Variants in COL4A5 observed in about 807,000 individuals in gnomAD.
The protein encoded by COL4A5 is collagen type IV alpha 5 chain, also known as collagen alpha-5(IV) chain.
A neutral mutation model predicts 130.2 loss-of-function variants in COL4A5; 26 were observed. That is an observed-to-expected ratio of 0.20 (90% CI 0.15 to 0.28). The LOEUF (loss-of-function observed/expected upper bound fraction) is 0.28, where lower values mean the gene tolerates loss of function less well. Ranked by LOEUF, COL4A5 falls within the 10% of genes least tolerant of loss-of-function variation. The pLI, the probability that COL4A5 is intolerant of heterozygous loss-of-function variation, is 1.00. For synonymous variants in COL4A5, 496 were observed against 439.6 expected (o/e 1.13, Z -1.60); for missense variants, 1,131 against 1,344.3 (o/e 0.84, Z 2.48).
At chrX:108,687,749 T>C in intron 49 of COL4A5, 55 bp downstream of exon 49, 1 of 1,109,003 alleles carries the variant, frequency 9.0e-7, no homozygotes, top group Non-Finnish European at 1.2e-6. Flanking sequence ...GTTTCAGAAA[T>C]CCTGTTGGGT....
At chrX:108,507,250 A>C (rs541495984) in intron 1 of COL4A5, among the ~76,000 whole-genome samples, 506 of 105,653 alleles carry the variant, frequency 4.8e-3, no homozygotes, top group Middle Eastern at 0.019. Context: ...ACAACAACAA[A>C]AAAAAAAAAA....
intron 6 of COL4A5, among the ~76,000 whole-genome samples, chrX:108,570,778 G>A (rs187487000): frequency 2.4e-4 from 27 of 111,369 alleles, no homozygotes; most frequent in Non-Finnish European, 3.8e-5. Context: ...TTGTTTCTAG[G>A]ATTACCGTGG....
intron 1 of COL4A5, among the ~76,000 whole-genome samples, chrX:108,448,902 A>G (rs1393490233): frequency 9.0e-6 from 1 of 111,411 alleles, no homozygotes; most frequent in Non-Finnish European, 1.9e-5. Flanking sequence ...AGTGCCCCTC[A>G]TACTCTCAAG....
At chrX:108,534,218 A>G (rs966363058) in intron 1 of COL4A5, among the ~76,000 whole-genome samples, 1 of 111,412 alleles carries the variant, frequency 9.0e-6, no homozygotes, top group African/African-American at 3.3e-5. Context: ...CATACAACCC[A>G]GCAATTCCAC....
chrX:108,667,067 T>C (rs781533373), intron 39 of COL4A5, 66 bp from the exon 40 acceptor site: 1 of 1,003,324 alleles, frequency 1.0e-6, no homozygotes, highest in Non-Finnish European at 1.4e-6. Flanking sequence ...TAAAAATAAT[T>C]TGGCCTTGTT....
intron 1 of COL4A5, among the ~76,000 whole-genome samples, chrX:108,493,573 A>G (rs2065009995): frequency 9.0e-6 from 1 of 111,243 alleles, no homozygotes. Context: ...ATGTGTTAGT[A>G]GAAATCATAA....
intron 1 of COL4A5, among the ~76,000 whole-genome samples, chrX:108,466,486 T>C (rs1461323727): frequency 8.9e-6 from 1 of 112,269 alleles, no homozygotes; most frequent in Non-Finnish European, 1.9e-5. Context: ...TGGTTCTTCA[T>C]TGTGGTTTTG....
Position 108,626,301 on chromosome X carries a change from T to G in COL4A5, c.3198T>G (p.Gly1066=), listed in dbSNP as rs1441373124. 1 of 1,210,675 alleles carries G rather than the reference T, an allele frequency of 8.3e-7. No individual in the cohort carries two copies. ...PGLPGQKGDK[G]DPGISSIGLP... is the part of the protein sequence containing the mutation. ...TACCTGGACAGAAAGGCGACAAAGG[T>G]GATCCTGGTATTTCAAGCATTGGTC... The change falls in exon 36 of 53, where the codon GGT becomes GGG. Residue 1066 remains glycine, a synonymous_variant. Transcript: ENST00000328300.
chrX:108,545,688 G>C (rs1329802839), intron 2 of COL4A5, among the ~76,000 whole-genome samples: 1 of 111,176 alleles, frequency 9.0e-6, no homozygotes, highest in Non-Finnish European at 1.9e-5. Context: ...TTGTTGATTT[G>C]TTTAATGTTG....
At chrX:108,464,260 A>AT (rs768364421) in intron 1 of COL4A5, among the ~76,000 whole-genome samples, 10 of 111,938 alleles carry the variant, frequency 8.9e-5, no homozygotes, top group Non-Finnish European at 1.9e-4. Flanking sequence ...TTTTTAGTTT[A>AT]TTTCTAGAGG....
chrX:108,567,789 T>TC (rs1491165208), intron 4 of COL4A5, among the ~76,000 whole-genome samples: 33 of 111,268 alleles, frequency 3.0e-4, no homozygotes, highest in African/African-American at 9.2e-4. Context: ...AGACTTACTA[T>TC]CACAAGAACA....
At chrX:108,513,717 A>T (rs1415510383) in intron 1 of COL4A5, among the ~76,000 whole-genome samples, 1 of 111,342 alleles carries the variant, frequency 9.0e-6, no homozygotes, top group Non-Finnish European at 1.9e-5. Context: ...GTATATTTTG[A>T]TGAGTTATTT....
At chrX:108,544,356 A>G (rs1208375858) in intron 2 of COL4A5, among the ~76,000 whole-genome samples, 2 of 112,276 alleles carry the variant, frequency 1.8e-5, no homozygotes, top group African/African-American at 3.2e-5. Flanking sequence ...TTCTGCATCT[A>G]TTGAGATAAT....
intron 1 of COL4A5, among the ~76,000 whole-genome samples, chrX:108,531,517 T>G (rs1374121932): frequency 2.8e-5 from 3 of 108,707 alleles, no homozygotes; most frequent in African/African-American, 6.7e-5. Context: ...AAATAAAAAT[T>G]TAACAATCTA....
intron 2 of COL4A5, among the ~76,000 whole-genome samples, 181 bp from the exon 3 acceptor site, chrX:108,558,883 C>T (rs1021106849): frequency 7.1e-5 from 8 of 112,070 alleles, no homozygotes; most frequent in South Asian, 3.7e-4. Context: ...AACTTCCAGA[C>T]GGTTTGTGTT....
Position 108,606,950 on chromosome X carries a change from T to C in COL4A5, c.2395+58T>C, listed in dbSNP as rs1004670983. 5.3e-6 allele frequency: 6 copies of C among 1,140,956 alleles called. No homozygotes were observed. In the Admixed American group the frequency reaches 6.5e-5, roughly 12 times the overall value. 94.0% of individuals were successfully genotyped at this position (1,140,956 alleles called of 1,213,427 possible). A position where few individuals can be genotyped will look rare whatever the true frequency, so the allele number is the denominator to read the frequency against. On this transcript the variant is annotated intron_variant, in intron 29 of 52. Transcript: ENST00000328300. The stretch of plus-strand genomic sequence containing the variant: ...TTTAACTTTTATAGAAATTGACACC[T>C]TTGGGAAAGTTTATGGGTGATAAGC...
intron 1 of COL4A5, among the ~76,000 whole-genome samples, chrX:108,514,739 A>G (rs1470660897): frequency 8.9e-6 from 1 of 112,211 alleles, no homozygotes; most frequent in Non-Finnish European, 1.9e-5. Context: ...TGGCTAAAGT[A>G]TATGTGTATA....
chrX:108,581,080 G>C (rs1187460493), intron 16 of COL4A5, 53 bp downstream of exon 16: 1 of 1,058,144 alleles, frequency 9.5e-7, no homozygotes, highest in African/African-American at 1.8e-5. Context: ...TTATGTGTTG[G>C]TATAACATAA....
chrX:108,551,412 G>A (rs1234042365), intron 2 of COL4A5, among the ~76,000 whole-genome samples: 5 of 111,912 alleles, frequency 4.5e-5, no homozygotes, highest in East Asian at 2.8e-4. Context: ...AATTCTCAAT[G>A]TCACTAATCA....
Sources: allele counts gnomAD v4.1 joint callset (sites outside exome capture counted in the v4.1 genomes callset), GRCh38; gene constraint gnomAD v4.1.1; transcripts MANE v1.5; gene names NCBI Gene and HGNC (gene_info 2026-07-23, HGNC 2026-07-21).